ZNF850: variants seen among roughly 807,000 people sequenced by gnomAD.
ZNF850 encodes the protein zinc finger protein 850, also known as putative zinc finger protein ENSP00000330994.
A neutral mutation model predicts 11.9 loss-of-function variants in ZNF850; 2 were observed. The ratio of observed to expected loss-of-function variants is 0.17; its 90% CI spans 0.07 to 0.53. The LOEUF (loss-of-function observed/expected upper bound fraction) is 0.53, where lower values mean the gene tolerates loss of function less well. Among genes scored for constraint, ZNF850 ranks in the 20% least tolerant of loss-of-function variants. The probability of loss-of-function intolerance (pLI) is 0.94; values close to 1 mark genes in which losing one functional copy is unlikely to be tolerated. For synonymous variants in ZNF850, 381 were observed against 443.0 expected (o/e 0.86, Z 1.76); for missense variants, 1,014 against 1,316.4 (o/e 0.77, Z 3.55).
At chr19:36,765,737 A>G (rs2145968272) in intron 1 of ZNF850, among the ~76,000 whole-genome samples, 1 of 151,922 alleles carries the variant, frequency 6.6e-6, no homozygotes, top group East Asian at 1.9e-4. Flanking sequence ...GGCATGTGCC[A>G]CCACGCCTGG....
chr19:36,762,742 C>T (rs2040526747), intron 1 of ZNF850, 67 bp from the exon 2 acceptor site: 2 of 927,492 alleles, frequency 2.2e-6, no homozygotes, highest in Admixed American at 4.4e-5. Flanking sequence ...CAAAAGCACA[C>T]AGCAAGCTGT....
chr19:36,756,148 C>T (rs568334041), intron 4 of ZNF850, among the ~76,000 whole-genome samples: 2 of 152,130 alleles, frequency 1.3e-5, no homozygotes, highest in South Asian at 4.2e-4. Flanking sequence ...TTGTGATCCA[C>T]CTGCCTTGGC....
In ZNF850 at chr19:36,745,427, A is replaced by C. The variant is rs2040406132; in HGVS notation, c.*2340T>G. 1.3e-5 allele frequency: 2 copies of C among 152,164 alleles called. No homozygotes were observed. The highest frequency in any genetic ancestry group is 4.1e-4 in the South Asian group (2 of 4,836). The allele number at this position is 152,164 out of a possible 1,614,324, so 9.4% of individuals were successfully genotyped here. ...TTCATGCAAATACCACCTTGTAAGA[A>C]ATGCCTTTCCTGACTACCTTATCTA... On this transcript the variant is annotated 3_prime_UTR_variant, in exon 5 of 5. Transcript: ENST00000591344.
chr19:36,751,297 G>C (rs537828813), intron 4 of ZNF850, among the ~76,000 whole-genome samples: 1 of 151,786 alleles, frequency 6.6e-6, no homozygotes, highest in African/African-American at 2.4e-5. Flanking sequence ...TCACAAACAA[G>C]GAAAGCCTGA....
chr19:36,752,682 G>C (rs2040460725), intron 4 of ZNF850, among the ~76,000 whole-genome samples: 1 of 152,070 alleles, frequency 6.6e-6, no homozygotes, highest in Non-Finnish European at 1.5e-5. Context: ...AGGGAGGAGA[G>C]CTAAATGTTA....
At chr19:36,763,413 G>A (rs1460018171) in intron 1 of ZNF850, among the ~76,000 whole-genome samples, 7 of 151,548 alleles carry the variant, frequency 4.6e-5, no homozygotes, top group East Asian at 2.0e-4. Flanking sequence ...GGGTGGTGGC[G>A]CATGCCTGTA....
intron 4 of ZNF850, among the ~76,000 whole-genome samples, chr19:36,754,131 T>G (rs1410767485): frequency 7.1e-6 from 1 of 140,592 alleles, no homozygotes; most frequent in Non-Finnish European, 1.5e-5. Flanking sequence ...ATTGCTCCAC[T>G]GCACTCAGCC....
At chr19:36,764,169 C>T (rs1215580122) in intron 1 of ZNF850, among the ~76,000 whole-genome samples, 1 of 152,126 alleles carries the variant, frequency 6.6e-6, no homozygotes, top group African/African-American at 2.4e-5. Flanking sequence ...TGCTTGAACC[C>T]AGAAGGTGGA....
At position 36,746,562 on chromosome 19, in the gene ZNF850, C is replaced by G. The variant is rs1413522734; in HGVS notation, c.*1205G>C. ...ATGGGGTTTCAACATGTTGGCCAGG[C>G]TGGTCTTGAACTCTTAACCTCAGGT... On this transcript the variant is annotated 3_prime_UTR_variant, in exon 5 of 5. Coordinates refer to ENST00000591344, the MANE Select transcript of ZNF850 (RefSeq NM_001193552.2). 1 of 152,048 alleles carries G rather than the reference C, an allele frequency of 6.6e-6. No individual in the cohort carries two copies. Among genetic ancestry groups the G allele is most frequent in the Non-Finnish European group, 1.5e-5 (1 of 68,028 alleles). The allele number at this position is 152,048 out of a possible 1,614,324, so 9.4% of individuals were successfully genotyped here. A position where few individuals can be genotyped will look rare whatever the true frequency, so the allele number is the denominator to read the frequency against.
At chr19:36,770,694 A>G (rs2040575580) in intron 1 of ZNF850, among the ~76,000 whole-genome samples, 1 of 122,070 alleles carries the variant, frequency 8.2e-6, no homozygotes, top group South Asian at 3.0e-4. Context: ...CGACAGAGAG[A>G]GACTCCATCA....
Position 36,762,345 on chromosome 19 carries a change from T to C in ZNF850, c.99A>G (p.Arg33=), listed in dbSNP as rs974559798. 6.3e-7 allele frequency: 1 copy of C among 1,587,344 alleles called. No individual in the cohort carries two copies. Among genetic ancestry groups the C allele is most frequent in the African/African-American group, 1.3e-5 (1 of 74,726 alleles). ...TGCTGTAGTTCTCCATCATTACATC[T>C]CTGTATAAGTCCTTCTGAGCAGCGT... ...CLDAAQKDLY[R]DVMMENYSSL... The change falls in exon 3 of 5, where the codon AGA becomes AGG. Residue 33 remains arginine, a synonymous_variant. Coordinates refer to ENST00000591344, the MANE Select transcript of ZNF850 (RefSeq NM_001193552.2).
In ZNF850 at chr19:36,770,388, G is replaced by A. The variant is rs544404821; in HGVS notation, c.-70+2337C>T. 2.0e-3 allele frequency among the ~76,000 whole-genome samples: 310 copies of A among 152,142 alleles called. 1 individual carries two copies. The highest frequency in any genetic ancestry group is 3.6e-3 in the Non-Finnish European group (245 of 67,998). On this transcript the variant is annotated intron_variant, in intron 1 of 4. Coordinates refer to ENST00000591344, the MANE Select transcript of ZNF850 (RefSeq NM_001193552.2). ...GACCAGCCCCCATCCTGAAGCTTTC[G>A]GTCAATCACTAACATACAAAAAGCC... is the stretch of plus-strand genomic sequence containing the variant.
At chr19:36,764,315 CA>C (rs2040536818) in intron 1 of ZNF850, among the ~76,000 whole-genome samples, 1 of 152,120 alleles carries the variant, frequency 6.6e-6, no homozygotes, top group African/African-American at 2.4e-5. Flanking sequence ...ACAGGTCAGA[CA>C]AAAGTTACAG....
At chr19:36,752,495 A>AT (rs911149877) in intron 4 of ZNF850, among the ~76,000 whole-genome samples, 6 of 152,284 alleles carry the variant, frequency 3.9e-5, no homozygotes, top group African/African-American at 1.4e-4. Context: ...ATCACATCAA[A>AT]TTTTTTTAAA....
At position 36,756,993 on chromosome 19, in the gene ZNF850, T is replaced by C. The variant is rs143145136; in HGVS notation, c.235+4650A>G. On this transcript the variant is annotated intron_variant, in intron 4 of 4. Coordinates refer to ENST00000591344, the MANE Select transcript of ZNF850 (RefSeq NM_001193552.2). ...TGTTTCTGTATATATCAGAATTAGC[T>C]ACTTCTTTTATTTCTGTAGCAGACA... Among the ~76,000 whole-genome samples the C allele has an allele frequency of 9.2e-5, 14 of 152,320 alleles. No homozygotes were observed. In the East Asian group the frequency reaches 2.7e-3, roughly 29 times the overall value.
intron 3 of ZNF850, 59 bp downstream of exon 3, chr19:36,762,246 C>A: frequency 7.2e-7 from 1 of 1,396,688 alleles, no homozygotes; most frequent in Non-Finnish European, 9.4e-7. Context: ...GAAAAGTCAC[C>A]CAGACAATTG....
chr19:36,753,098 C>T (rs929859441), intron 4 of ZNF850, among the ~76,000 whole-genome samples: 4 of 151,382 alleles, frequency 2.6e-5, no homozygotes, highest in Non-Finnish European at 5.9e-5. Context: ...GACAAAACCC[C>T]GACTTTACTA....
At chr19:36,752,441 A>G (rs779741507) in intron 4 of ZNF850, among the ~76,000 whole-genome samples, 2 of 152,230 alleles carry the variant, frequency 1.3e-5, no homozygotes, top group Non-Finnish European at 2.9e-5. Context: ...TTGAGCATGA[A>G]TTCAAGAATA....
At position 36,750,702 on chromosome 19, in the gene ZNF850, A is replaced by G; in HGVS notation, c.338T>C (p.Val113Ala). ...WVRMEKCHSL[V>A]GSSVRDDWEC... ...CCAGTCATCTCTGACACTGGAGCCC[A>G]CAAGGCTATGACATTTTTCCATTCT... Residue 113 changes from valine (V) to alanine (A), a missense_variant, in exon 5 of 5, where the codon GTG becomes GCG. Val to Ala is a moderately conservative substitution (Grantham distance 64). Transcript: ENST00000591344. 6.5e-7 allele frequency: 1 copy of G among 1,536,234 alleles called. No individual in the cohort carries two copies. Among genetic ancestry groups the G allele is most frequent in the Non-Finnish European group, 8.7e-7 (1 of 1,146,928 alleles).
Sources: allele counts gnomAD v4.1 joint callset (sites outside exome capture counted in the v4.1 genomes callset), GRCh38; gene constraint gnomAD v4.1.1; transcripts MANE v1.5; gene names NCBI Gene and HGNC (gene_info 2026-07-23, HGNC 2026-07-21).